POU6F2: variants seen among roughly 807,000 people sequenced by gnomAD.
The protein encoded by POU6F2 is POU domain, class 6, transcription factor 2.
POU6F2 carries 31 observed loss-of-function variants against 71.3 expected under a neutral mutation model. The observed-to-expected ratio is 0.43, with a 90% CI of 0.33 to 0.59. POU6F2 has a LOEUF of 0.59. Ranked by LOEUF, POU6F2 falls within the 20% of genes least tolerant of loss-of-function variation. The pLI is 0.04. For missense variants in POU6F2, 783 were observed against 856.8 expected, an observed-to-expected ratio of 0.91 and a Z score of 1.07; for synonymous variants, 347 against 355.7, an observed-to-expected ratio of 0.98 and a Z score of 0.27.
intron 6 of POU6F2, among the ~76,000 whole-genome samples, chr7:39,422,541 T>G (rs770418777): frequency 6.6e-5 from 10 of 152,228 alleles, no homozygotes; most frequent in Non-Finnish European, 1.2e-4. Flanking sequence ...GGGAAGTTTT[T>G]GGGAGCGTGA....
intron 2 of POU6F2, among the ~76,000 whole-genome samples, chr7:39,190,524 T>C (rs1461728982): frequency 3.4e-5 from 5 of 148,784 alleles, no homozygotes. Context: ...GAAGATTAAA[T>C]GAGATCACAG....
chr7:39,054,802 G>A (rs954766857), intron 1 of POU6F2, among the ~76,000 whole-genome samples: 8 of 147,994 alleles, frequency 5.4e-5, no homozygotes, highest in African/African-American at 2.0e-4. Flanking sequence ...AAAAGAGCAA[G>A]CAAACAAACA....
chr7:39,055,959 A>G (rs1039225475), intron 1 of POU6F2, among the ~76,000 whole-genome samples: 3 of 151,714 alleles, frequency 2.0e-5, no homozygotes, highest in Non-Finnish European at 4.4e-5. Context: ...TTTCATGTTG[A>G]ATCTTTTTAT....
intron 4 of POU6F2, among the ~76,000 whole-genome samples, chr7:39,286,692 A>G (rs976196321): frequency 4.6e-5 from 7 of 152,178 alleles, no homozygotes; most frequent in Non-Finnish European, 1.0e-4. Context: ...TGACATCAGC[A>G]TTTTCCAAAG....
At chr7:39,323,623 A>G (rs1249969078) in intron 4 of POU6F2, among the ~76,000 whole-genome samples, 1 of 152,198 alleles carries the variant, frequency 6.6e-6, no homozygotes, top group African/African-American at 2.4e-5. Flanking sequence ...GCTGAGCACT[A>G]TGGTTTAATT....
At chr7:39,053,963 C>T (rs1790452949) in intron 1 of POU6F2, among the ~76,000 whole-genome samples, 1 of 151,740 alleles carries the variant, frequency 6.6e-6, no homozygotes, top group African/African-American at 2.4e-5. Flanking sequence ...ATTAGCCAGG[C>T]GTGGTGGCAC....
At chr7:39,335,481 T>G (rs1417972891) in intron 4 of POU6F2, among the ~76,000 whole-genome samples, 1 of 152,210 alleles carries the variant, frequency 6.6e-6, no homozygotes, top group Non-Finnish European at 1.5e-5. Context: ...TCTTTCTGCA[T>G]GTGAGCAGTC....
intron 4 of POU6F2, among the ~76,000 whole-genome samples, chr7:39,287,035 A>C (rs1009494842): frequency 1.3e-5 from 2 of 151,780 alleles, no homozygotes; most frequent in Admixed American, 6.6e-5. Flanking sequence ...CTGCTTCCCC[A>C]GGGACTTTTC....
intron 1 of POU6F2, among the ~76,000 whole-genome samples, chr7:39,079,351 A>G (rs1190078266): frequency 6.6e-6 from 1 of 151,450 alleles, no homozygotes; most frequent in East Asian, 2.0e-4. Context: ...ACCACGCCCC[A>G]CTAATTTTTT....
At chr7:39,052,430 A>C (rs1345118046) in intron 1 of POU6F2, among the ~76,000 whole-genome samples, 1 of 152,136 alleles carries the variant, frequency 6.6e-6, no homozygotes, top group Non-Finnish European at 1.5e-5. Flanking sequence ...TGATCATGGC[A>C]GAAGACACCT....
At chr7:39,012,801 G>A (rs1245278026) in intron 1 of POU6F2, among the ~76,000 whole-genome samples, 1 of 151,126 alleles carries the variant, frequency 6.6e-6, no homozygotes, top group Non-Finnish European at 1.5e-5. Context: ...GTGTCAGTGT[G>A]CCCCTGCTGG....
At chr7:39,266,733 T>C (rs1333724368) in intron 4 of POU6F2, among the ~76,000 whole-genome samples, 1 of 110,496 alleles carries the variant, frequency 9.1e-6, no homozygotes, top group Non-Finnish European at 1.7e-5. Context: ...ACATTGTAAA[T>C]GCATATATTT....
rs116808248 is a variant in POU6F2 at position 39,195,384 on chromosome 7, G to T, written c.278-8851G>T. Among the ~76,000 whole-genome samples the T allele has an allele frequency of 2.7e-3, 412 of 152,290 alleles. 1 individual carries two copies. The highest frequency in any genetic ancestry group is 9.4e-3 in the African/African-American group (390 of 41,566). Reference sequence around the variant, plus strand: ...AATTGAAATAATGGCTTATTCTGTTGTAACTCATGCTTAAATCATATTCTG... The same window carrying T: ...AATTGAAATAATGGCTTATTCTGTTTTAACTCATGCTTAAATCATATTCTG... On this transcript the variant is annotated intron_variant, in intron 2 of 9. Coordinates refer to ENST00000518318, the MANE Select transcript of POU6F2 (RefSeq NM_001370959.1).
intron 5 of POU6F2, among the ~76,000 whole-genome samples, chr7:39,358,716 G>C (rs1786314108): frequency 6.6e-6 from 1 of 152,132 alleles, no homozygotes; most frequent in Non-Finnish European, 1.5e-5. Flanking sequence ...AGTAACTGAA[G>C]ATGATTGTTC....
intron 2 of POU6F2, among the ~76,000 whole-genome samples, chr7:39,152,892 A>T (rs752307358): frequency 3.9e-5 from 6 of 152,200 alleles, no homozygotes; most frequent in Non-Finnish European, 8.8e-5. Context: ...AAATCAACCT[A>T]GTGCTGCCTT....
chr7:39,406,366 A>G, intron 5 of POU6F2: 1 of 533,424 alleles, frequency 1.9e-6, no homozygotes, highest in Middle Eastern at 5.1e-4. Context: ...CTCCTGGGCT[A>G]GCCCTAAACC....
chr7:39,227,679 C>G (rs1048352656), intron 4 of POU6F2, among the ~76,000 whole-genome samples: 2 of 151,942 alleles, frequency 1.3e-5, no homozygotes, highest in Non-Finnish European at 2.9e-5. Flanking sequence ...CTCAGCCTCC[C>G]GAGTAGCTGG....
chr7:39,193,428 C>G (rs1793711984), intron 2 of POU6F2, among the ~76,000 whole-genome samples: 1 of 152,158 alleles, frequency 6.6e-6, no homozygotes, highest in Non-Finnish European at 1.5e-5. Flanking sequence ...CAATTTGTAT[C>G]ATGATATTGG....
intron 5 of POU6F2, among the ~76,000 whole-genome samples, chr7:39,363,019 T>C (rs1273611747): frequency 6.6e-6 from 1 of 152,102 alleles, no homozygotes; most frequent in East Asian, 1.9e-4. Flanking sequence ...GTAAGAACTG[T>C]AGCTAGTACT....
Sources: allele counts gnomAD v4.1 joint callset (sites outside exome capture counted in the v4.1 genomes callset), GRCh38; gene constraint gnomAD v4.1.1; transcripts MANE v1.5; gene names NCBI Gene and HGNC (gene_info 2026-07-23, HGNC 2026-07-21).